CDYL2: variants seen among roughly 807,000 people sequenced by gnomAD.
The protein encoded by CDYL2 is chromodomain Y like 2.
Under a neutral mutation model 49.4 loss-of-function variants are expected in CDYL2, and 23 were observed. The observed-to-expected ratio is 0.47, with a 90% CI of 0.34 to 0.66. CDYL2 has a LOEUF of 0.66. CDYL2 is among the 30% of genes least tolerant of loss of function. The pLI is 0.01. For missense variants in CDYL2, 678 were observed against 656.4 expected, an observed-to-expected ratio of 1.03 and a Z score of -0.36; for synonymous variants, 360 against 268.8, an observed-to-expected ratio of 1.34 and a Z score of -3.32.
intron 4 of CDYL2, among the ~76,000 whole-genome samples, chr16:80,619,869 A>G (rs1906998947): frequency 6.6e-6 from 1 of 152,166 alleles, no homozygotes; most frequent in Admixed American, 6.5e-5. Context: ...AACCCCTCAA[A>G]GCCCCCTATA....
chr16:80,622,887 G>A lies in CDYL2; in HGVS notation c.835-1952C>T, dbSNP rs118092254. On this transcript the variant is annotated intron_variant, in intron 3 of 6. Coordinates refer to ENST00000570137, the MANE Select transcript of CDYL2 (RefSeq NM_152342.4). ...CAACTATTTTTGGATGAGCCTGAAG[G>A]TTACAGAGCACTTGCCCATGAGTAC... 9.4e-3 allele frequency among the ~76,000 whole-genome samples: 1,433 copies of A among 152,272 alleles called. 6 individuals are homozygous for A. Among genetic ancestry groups the A allele is most frequent in the Middle Eastern group, 0.017 (5 of 294 alleles).
intron 1 of CDYL2, among the ~76,000 whole-genome samples, chr16:80,727,893 C>G (rs1905216511): frequency 1.3e-5 from 2 of 152,266 alleles, no homozygotes; most frequent in South Asian, 4.1e-4. Flanking sequence ...AGGGTCCTGT[C>G]TGTTAGAAGG....
intron 2 of CDYL2, among the ~76,000 whole-genome samples, chr16:80,634,394 G>A (rs1206229454): frequency 6.6e-6 from 1 of 152,126 alleles, no homozygotes; most frequent in Non-Finnish European, 1.5e-5. Flanking sequence ...ACTATCGCAA[G>A]GACAGAAAAC....
chr16:80,734,648 G>A (rs192029188), intron 1 of CDYL2, among the ~76,000 whole-genome samples: 3 of 152,108 alleles, frequency 2.0e-5, no homozygotes, highest in Non-Finnish European at 2.9e-5. Flanking sequence ...ATTCAAGGGG[G>A]TTTACTGCAT....
intron 2 of CDYL2, among the ~76,000 whole-genome samples, chr16:80,680,438 G>A (rs576130340): frequency 1.3e-5 from 2 of 152,134 alleles, no homozygotes; most frequent in Non-Finnish European, 2.9e-5. Context: ...AAAGAGAAAC[G>A]ATGGCTCCTA....
chr16:80,794,875 A>T (rs917104668), intron 1 of CDYL2, among the ~76,000 whole-genome samples: 1 of 152,092 alleles, frequency 6.6e-6, no homozygotes, highest in Non-Finnish European at 1.5e-5. Context: ...GGCCTCCCAA[A>T]GTGCTGGGAG....
chr16:80,732,287 A>G (rs1905354760), intron 1 of CDYL2, among the ~76,000 whole-genome samples: 1 of 151,682 alleles, frequency 6.6e-6, no homozygotes, highest in African/African-American at 2.4e-5. Flanking sequence ...AATGGGCTGC[A>G]CAGTTTTCTG....
chr16:80,611,424 C>A (rs1338282311), intron 5 of CDYL2, among the ~76,000 whole-genome samples: 3 of 152,128 alleles, frequency 2.0e-5, no homozygotes, highest in African/African-American at 7.2e-5. Context: ...TGTGGCTGCT[C>A]TGAACAGCAG....
chr16:80,771,661 T>A (rs900995278), intron 1 of CDYL2, among the ~76,000 whole-genome samples: 1 of 151,972 alleles, frequency 6.6e-6, no homozygotes, highest in Non-Finnish European at 1.5e-5. Context: ...AGGCAGGGAT[T>A]GCAGTGAGCC....
At chr16:80,721,235 T>C (rs554830853) in intron 1 of CDYL2, among the ~76,000 whole-genome samples, 1 of 152,220 alleles carries the variant, frequency 6.6e-6, no homozygotes, top group African/African-American at 2.4e-5. Context: ...ATGTTAGATA[T>C]TTTACTTGCA....
At chr16:80,741,257 G>C (rs962331942) in intron 1 of CDYL2, among the ~76,000 whole-genome samples, 1 of 150,980 alleles carries the variant, frequency 6.6e-6, no homozygotes, top group African/African-American at 2.4e-5. Flanking sequence ...AAGTGGGATT[G>C]GGACAACTGG....
chr16:80,729,954 G>C (rs1197261670), intron 1 of CDYL2, among the ~76,000 whole-genome samples: 2 of 152,050 alleles, frequency 1.3e-5, no homozygotes, highest in Non-Finnish European at 2.9e-5. Flanking sequence ...TCAAAGCAGT[G>C]GGTAGAGGGA....
intron 1 of CDYL2, among the ~76,000 whole-genome samples, chr16:80,776,809 T>C (rs1299377702): frequency 6.6e-6 from 1 of 151,740 alleles, no homozygotes; most frequent in African/African-American, 2.4e-5. Flanking sequence ...TGCATACGTA[T>C]ATATTACAAA....
chr16:80,691,500 G>A (rs1460550977), intron 1 of CDYL2, among the ~76,000 whole-genome samples: 1 of 152,192 alleles, frequency 6.6e-6, no homozygotes, highest in Non-Finnish European at 1.5e-5. Flanking sequence ...GTCTGACTGG[G>A]GGACTCTGTG....
At chr16:80,698,199 C>T (rs112466535) in intron 1 of CDYL2, among the ~76,000 whole-genome samples, 33 of 152,218 alleles carry the variant, frequency 2.2e-4, no homozygotes, top group African/African-American at 7.7e-4. Context: ...AAAATAGACA[C>T]AAGATTTCAT....
intron 3 of CDYL2, among the ~76,000 whole-genome samples, chr16:80,626,622 G>T (rs1907316487): frequency 6.6e-6 from 1 of 152,190 alleles, no homozygotes; most frequent in Non-Finnish European, 1.5e-5. Context: ...AGAGCAGAAA[G>T]TACATAGTGA....
intron 1 of CDYL2, among the ~76,000 whole-genome samples, chr16:80,777,558 G>A (rs1421415662): frequency 6.6e-5 from 10 of 151,980 alleles, no homozygotes; most frequent in African/African-American, 2.4e-4. Context: ...ATATATGGAA[G>A]AGATATTCTG....
In CDYL2 at chr16:80,762,731, T is replaced by C. The variant is rs112294622; in HGVS notation, c.24+41419A>G. 4.4e-4 allele frequency among the ~76,000 whole-genome samples: 67 copies of C among 152,280 alleles called. No individual in the cohort carries two copies. In the Middle Eastern group the frequency reaches 0.01, roughly 23 times the overall value. Reference sequence around the variant, plus strand: ...AGCAGTGGAAAATTCATGTCATCAATTGCAAGTGTCCAGCTGAGGTGAAGC... The same window carrying C: ...AGCAGTGGAAAATTCATGTCATCAACTGCAAGTGTCCAGCTGAGGTGAAGC... On this transcript the variant is annotated intron_variant, in intron 1 of 6. Transcript: ENST00000570137.
At chr16:80,767,754 A>C (rs1318274862) in intron 1 of CDYL2, among the ~76,000 whole-genome samples, 4 of 152,188 alleles carry the variant, frequency 2.6e-5, no homozygotes, top group African/African-American at 4.8e-5. Context: ...CAGAGTAGTC[A>C]TTCTGCCAAT....
Sources: allele counts gnomAD v4.1 joint callset (sites outside exome capture counted in the v4.1 genomes callset), GRCh38; gene constraint gnomAD v4.1.1; transcripts MANE v1.5; gene names NCBI Gene and HGNC (gene_info 2026-07-23, HGNC 2026-07-21).